The following TMPRSS6 variants were observed in gnomAD, a reference collection of about 807,000 sequenced individuals.
TMPRSS6 encodes transmembrane protease serine 6.
TMPRSS6 carries 67 observed loss-of-function variants against 101.5 expected under a neutral mutation model. That is an observed-to-expected ratio of 0.66 (90% CI 0.54 to 0.81). The LOEUF is 0.81. Among genes scored for constraint, TMPRSS6 ranks in the 30% least tolerant of loss-of-function variants. The pLI, the probability that TMPRSS6 is intolerant of heterozygous loss-of-function variation, is 0.00. For synonymous variants in TMPRSS6, 453 were observed against 464.9 expected (o/e 0.97, Z 0.33); for missense variants, 1,034 against 1,088.7 (o/e 0.95, Z 0.71).
intron 11 of TMPRSS6, 102 bp from the exon 12 acceptor site, chr22:37,074,810 C>T (rs1281889832): frequency 7.2e-6 from 9 of 1,244,730 alleles, no homozygotes; most frequent in African/African-American, 1.5e-5. Flanking sequence ...CACTCACACG[C>T]GCATGGACAG....
chr22:37,076,579 A>T (rs1272979195), intron 10 of TMPRSS6, among the ~76,000 whole-genome samples: 1 of 152,180 alleles, frequency 6.6e-6, no homozygotes, highest in Non-Finnish European at 1.5e-5. Flanking sequence ...TTCCTCCTGC[A>T]GAGAGTCCGG....
In TMPRSS6 at chr22:37,069,008, C is replaced by T; in HGVS notation, c.2113+65G>A. On this transcript the variant is annotated intron_variant, in intron 16 of 17. Coordinates refer to ENST00000676104, the MANE Select transcript of TMPRSS6 (RefSeq NM_001374504.1). The surrounding 1 kb of genome is among the most constrained non-coding windows in gnomAD (Gnocchi z 4.8). ...CCCCCAGCCCCGCCCTTCTCCAGGC[C>T]AGGTGTTACGGCGCAGATCCGCACG... is the stretch of plus-strand genomic sequence containing the variant. 6.6e-7 allele frequency: 1 copy of T among 1,526,516 alleles called. No individual in the cohort carries two copies. The highest frequency in any genetic ancestry group is 8.8e-7 in the Non-Finnish European group (1 of 1,142,634). The allele number at this position is 1,526,516 out of a possible 1,614,324, so 94.6% of individuals were successfully genotyped here.
At chr22:37,090,089 A>T (rs1202897457) in intron 6 of TMPRSS6, among the ~76,000 whole-genome samples, 1 of 152,188 alleles carries the variant, frequency 6.6e-6, no homozygotes, top group Non-Finnish European at 1.5e-5. Context: ...ACAGACAGAC[A>T]CAGAACAGGC....
intron 1 of TMPRSS6, among the ~76,000 whole-genome samples, chr22:37,105,887 C>A (rs552331573): frequency 3.9e-5 from 6 of 152,124 alleles, no homozygotes; most frequent in Non-Finnish European, 7.4e-5. Flanking sequence ...TGGCCTCAAG[C>A]GATCCCCTCA....
Position 37,096,674 on chromosome 22 carries a change from G to A in TMPRSS6, c.378C>T (p.Tyr126=), listed in dbSNP as rs1292912662. The change falls in exon 4 of 18, where the codon TAC becomes TAT. Residue 126 remains tyrosine (Y), a synonymous_variant. Transcript: ENST00000676104. ...LITSTRLGTY[Y]NSSSVYSFGE... ...CAAAGGAATAGACGGAGCTGGAGTT[G>A]TAGTAAGTTCCCAGGCGGGTGCTGG... The A allele has an allele frequency of 1.3e-6, 2 of 1,567,198 alleles. No homozygotes were observed. The highest frequency in any genetic ancestry group is 4.7e-5 in the East Asian group (2 of 42,962).
rs889020661 is a variant in TMPRSS6, at chr22:37,084,328, C to T, written c.1163G>A (p.Cys388Tyr). 3 of 1,613,598 alleles carry T rather than the reference C, an allele frequency of 1.9e-6. No homozygotes were observed. Among genetic ancestry groups the T allele is most frequent in the African/African-American group, 1.3e-5 (1 of 74,876 alleles). Reference protein sequence around the residue: ...ALRRQKYDLPCTQGQWTIQNR... With the variant: ...ALRRQKYDLPYTQGQWTIQNR... ...CTGGATCGTCCACTGGCCCTGGGTG[C>T]ACGGCAAATCATACTTCTGCCTCCT... Residue 388 changes from cysteine to tyrosine, a missense_variant, in exon 10 of 18, where the codon TGC (cysteine) becomes TAC (tyrosine). Physicochemically the swap from Cys to Tyr is radical, Grantham distance 194. Coordinates refer to ENST00000676104, the MANE Select transcript of TMPRSS6 (RefSeq NM_001374504.1).
intron 13 of TMPRSS6, among the ~76,000 whole-genome samples, chr22:37,071,877 G>A (rs1181816637): frequency 6.6e-6 from 1 of 152,214 alleles, no homozygotes; most frequent in Non-Finnish European, 1.5e-5. Context: ...GGGCTAGGGA[G>A]ATCAGTGGAT....
At chr22:37,072,199 GAATGGATGGATGGAT>G (rs1927017567) in intron 13 of TMPRSS6, among the ~76,000 whole-genome samples, 4 of 138,288 alleles carry the variant, frequency 2.9e-5, no homozygotes, top group Non-Finnish European at 6.3e-5. Context: ...GATGATGGAT[GAATGGATGGATGGAT>G]GATGGATGGA....
intron 15 of TMPRSS6, 26 bp downstream of exon 15, chr22:37,070,458 C>T: frequency 2.5e-6 from 4 of 1,613,188 alleles, no homozygotes; most frequent in East Asian, 2.2e-5. Context: ...CTCTTACTGC[C>T]TAGGCCCCCA....
Position 37,089,755 on chromosome 22 carries a change from T to C in TMPRSS6, c.659A>G (p.Gln220Arg), listed in dbSNP as rs1416576607. 7 of 1,612,420 alleles carry C rather than the reference T, an allele frequency of 4.3e-6. No individual in the cohort carries two copies. Among genetic ancestry groups the C allele is most frequent in the Non-Finnish European group, 5.9e-6 (7 of 1,179,744 alleles). Reference sequence around the variant, plus strand: ...CCCCTTCAGCCGGAGGACCTGGCCCTGGCCCACGTAGCTGTAGCGGTAACA... The same window carrying C: ...CCCCTTCAGCCGGAGGACCTGGCCCCGGCCCACGTAGCTGTAGCGGTAACA... ...LGCYRYSYVG[Q>R]GQVLRLKGPD... The change falls in exon 7 of 18, where the codon CAG (glutamine) becomes CGG (arginine). Residue 220 changes from glutamine (Q) to arginine (R), a missense_variant. Physicochemically the swap from Gln to Arg is conservative, Grantham distance 43 (BLOSUM62 1). Transcript: ENST00000676104.
chr22:37,102,978 G>A, intron 2 of TMPRSS6, among the ~76,000 whole-genome samples: 1 of 152,054 alleles, frequency 6.6e-6, no homozygotes, highest in Non-Finnish European at 1.5e-5. Context: ...GGAGCTTTGG[G>A]GCACTTTGCC....
intron 1 of TMPRSS6, among the ~76,000 whole-genome samples, chr22:37,104,474 C>A (rs115307785): frequency 3.3e-5 from 5 of 152,284 alleles, no homozygotes; most frequent in African/African-American, 1.2e-4. Context: ...AATGTCGCCC[C>A]TCTCCACGCT....
intron 9 of TMPRSS6, 134 bp from the exon 10 acceptor site, chr22:37,084,538 G>A: frequency 1.2e-6 from 1 of 823,810 alleles, no homozygotes; most frequent in Non-Finnish European, 2.0e-6. Context: ...TCAACAAACA[G>A]GCATTGCTGT....
chr22:37,104,268 C>G (rs906078533), intron 1 of TMPRSS6, among the ~76,000 whole-genome samples: 2 of 152,078 alleles, frequency 1.3e-5, no homozygotes, highest in African/African-American at 4.8e-5. Context: ...ATTTGAATAC[C>G]TGACATTCAC....
At chr22:37,095,474 T>C (rs1044007646) in intron 6 of TMPRSS6, 77 bp downstream of exon 6, 2 of 1,563,786 alleles carry the variant, frequency 1.3e-6, no homozygotes, top group Middle Eastern at 1.7e-4. Flanking sequence ...AAGCCATGTG[T>C]CCCCCTGATA....
intron 16 of TMPRSS6, among the ~76,000 whole-genome samples, chr22:37,067,637 T>C (rs1223721963): frequency 3.9e-5 from 6 of 152,150 alleles, no homozygotes; most frequent in Non-Finnish European, 1.5e-5. Context: ...GATCCCTTCA[T>C]GGTTTCCTTA....
chr22:37,094,497 G>A (rs1034206781), intron 6 of TMPRSS6, among the ~76,000 whole-genome samples: 1 of 151,748 alleles, frequency 6.6e-6, no homozygotes, highest in Non-Finnish European at 1.5e-5. Flanking sequence ...TAGACAGCTA[G>A]CTAGTTAGAT....
At chr22:37,079,415 CATGGATGG>C (rs10537993) in intron 10 of TMPRSS6, among the ~76,000 whole-genome samples, 2 of 151,090 alleles carry the variant, frequency 1.3e-5, no homozygotes, top group East Asian at 3.9e-4. Flanking sequence ...GGGATAGATG[CATGGATGG>C]ATGGATGGAT....
intron 2 of TMPRSS6, among the ~76,000 whole-genome samples, chr22:37,102,237 T>A (rs958141742): frequency 6.6e-6 from 1 of 152,248 alleles, no homozygotes; most frequent in Non-Finnish European, 1.5e-5. Context: ...CTCCTGTGGC[T>A]TCCCAGCCCT....
Sources: allele counts gnomAD v4.1 joint callset (sites outside exome capture counted in the v4.1 genomes callset), GRCh38; gene constraint gnomAD v4.1.1; non-coding constraint Gnocchi (gnomAD v3.1); transcripts MANE v1.5; gene names NCBI Gene and HGNC (gene_info 2026-07-23, HGNC 2026-07-21).